The following BAZ1A variants were observed in gnomAD, a reference collection of about 807,000 sequenced individuals.
BAZ1A encodes bromodomain adjacent to zinc finger domain protein 1A.
BAZ1A carries 50 observed loss-of-function variants against 185.2 expected under a neutral mutation model. That is an observed-to-expected ratio of 0.27 (90% CI 0.22 to 0.34). The LOEUF is 0.34. Among genes scored for constraint, BAZ1A ranks in the 10% least tolerant of loss-of-function variants. BAZ1A has a pLI of 1.00. For synonymous variants in BAZ1A, 571 were observed against 615.6 expected (o/e 0.93, Z 1.07); for missense variants, 1,356 against 1,839.9 (o/e 0.74, Z 4.81).
intron 9 of BAZ1A, among the ~76,000 whole-genome samples, chr14:34,796,807 GAACTTGCTGT>G (rs1284228220): frequency 1.3e-5 from 2 of 152,168 alleles, no homozygotes; most frequent in African/African-American, 4.8e-5. Context: ...GATAGTTACG[GAACTTGCTGT>G]AACTTGAATA....
intron 2 of BAZ1A, among the ~76,000 whole-genome samples, chr14:34,866,502 A>AAAGAAAAAGAAAG: frequency 1.3e-5 from 1 of 79,538 alleles, no homozygotes; most frequent in Admixed American, 1.5e-4. Flanking sequence ...AAAAAAAAAA[A>AAAGAAAAAGAAAG]GAAAAAAGTT....
At position 34,875,119 on chromosome 14, in the gene BAZ1A, GCTCC is replaced by G. The variant is rs1254435619; in HGVS notation, c.-59+15_-59+18del. On this transcript the variant is annotated intron_variant, in intron 1 of 26. Coordinates refer to ENST00000360310, the MANE Select transcript of BAZ1A (RefSeq NM_013448.3). The stretch of plus-strand genomic sequence containing the variant: ...TCCACTTCCCCGCCGGCGCCGGCCG[GCTCC>G]CGAGCGACCCTCACCTGCGATCACG... The G allele has an allele frequency of 5.4e-6, 2 of 367,092 alleles. No homozygotes were observed. Among genetic ancestry groups the G allele is most frequent in the African/African-American group, 4.3e-5 (2 of 46,892 alleles). 22.7% of individuals were successfully genotyped at this position (367,092 alleles called of 1,614,324 possible).
At chr14:34,857,381 GCTCACTTGCAT>G (rs1197588229) in intron 3 of BAZ1A, among the ~76,000 whole-genome samples, 1 of 152,062 alleles carries the variant, frequency 6.6e-6, no homozygotes, top group African/African-American at 2.4e-5. Flanking sequence ...CATGTAGTCG[GCTCACTTGCAT>G]TCCTGGGCTC....
intron 3 of BAZ1A, chr14:34,845,351 T>C (rs909623895): frequency 3.3e-5 from 5 of 150,826 alleles, no homozygotes; most frequent in Admixed American, 6.6e-5. Context: ...CTAAAAGAGC[T>C]GTAACGCTTC....
Position 34,785,800 on chromosome 14 carries a change from G to A in BAZ1A, c.1808C>T (p.Thr603Ile), listed in dbSNP as rs373772811. Residue 603 changes from threonine (T) to isoleucine (I), a missense_variant, in exon 14 of 27, where the codon ACC becomes ATC. Coordinates refer to ENST00000360310, the MANE Select transcript of BAZ1A (RefSeq NM_013448.3). ...ACCTGGTGTCAAATCATACACTGAG[G>A]TGCTTGACAGTTTCTTCACTAGACT... The part of the protein sequence containing the change: ...NPSLVKKLSS[T>I]SVYDLTPGEK... 113 of 1,613,780 alleles carry A rather than the reference G, an allele frequency of 7.0e-5. 1 individual carries two copies. In the Middle Eastern group the frequency reaches 1.2e-3, roughly 16 times the overall value.
chr14:34,824,870 T>C (rs1207050921), intron 4 of BAZ1A, among the ~76,000 whole-genome samples: 2 of 152,176 alleles, frequency 1.3e-5, no homozygotes, highest in African/African-American at 4.8e-5. Context: ...AGAAAGCATT[T>C]TGAAGTCTGA....
intron 6 of BAZ1A, among the ~76,000 whole-genome samples, chr14:34,806,008 A>AT (rs957849032): frequency 1.8e-4 from 26 of 147,662 alleles, no homozygotes; most frequent in African/African-American, 4.2e-4. Context: ...CATCCTTGGT[A>AT]TTTTTTTTTC....
Position 34,874,524 on chromosome 14 carries a change from A to G in BAZ1A, c.81T>C (p.Cys27=), listed in dbSNP as rs146823409. The change falls in exon 2 of 27, where the codon TGT becomes TGC. Residue 27 remains cysteine (C), a synonymous_variant. Coordinates refer to ENST00000360310, the MANE Select transcript of BAZ1A (RefSeq NM_013448.3). The surrounding 1 kb of genome is among the most constrained non-coding windows in gnomAD (Gnocchi z 4.7). ...GGCGGAAGATCTCGTTGGTGACTTT[A>G]CAGTAGAAAACTTCCTCGTCGGGCC... ...DLRPDEEVFY[C]KVTNEIFRHY... 212 of 1,611,826 alleles carry G rather than the reference A, an allele frequency of 1.3e-4. 1 individual carries two copies. Among genetic ancestry groups the G allele is most frequent in the Non-Finnish European group, 1.7e-4 (203 of 1,179,108 alleles).
intron 3 of BAZ1A, among the ~76,000 whole-genome samples, chr14:34,849,038 C>G (rs890380717): frequency 6.6e-6 from 1 of 152,150 alleles, no homozygotes; most frequent in East Asian, 1.9e-4. Context: ...GTGGCTCACA[C>G]TTATAATCCC....
intron 3 of BAZ1A, among the ~76,000 whole-genome samples, chr14:34,833,500 C>T (rs2042283343): frequency 6.6e-6 from 1 of 152,240 alleles, no homozygotes; most frequent in South Asian, 2.1e-4. Flanking sequence ...TGCACTCCAG[C>T]TTGTGCGACA....
chr14:34,811,621 T>C (rs1009555704), intron 4 of BAZ1A, among the ~76,000 whole-genome samples: 5 of 152,126 alleles, frequency 3.3e-5, no homozygotes, highest in Non-Finnish European at 5.9e-5. Flanking sequence ...CCACTGTACA[T>C]GGCCATGCAT....
chr14:34,801,140 A>C lies in BAZ1A; in HGVS notation c.915T>G (p.Thr305=). ...QTLASYRSKA[T]KERDKLLKQE... is the part of the protein sequence containing the mutation. ...GTTTCAAAAGTTTATCTCTTTCTTT[A>C]GTAGCTTTGCTCCTATAACTTGCAA... Residue 305 remains threonine, a synonymous_variant, in exon 8 of 27, where the codon ACT becomes ACG. Coordinates refer to ENST00000360310, the MANE Select transcript of BAZ1A (RefSeq NM_013448.3). 1 of 1,605,180 alleles carries C rather than the reference A, an allele frequency of 6.2e-7. No individual in the cohort carries two copies. Among genetic ancestry groups the C allele is most frequent in the Non-Finnish European group, 8.5e-7 (1 of 1,177,620 alleles).
chr14:34,874,524 A>C lies in BAZ1A; in HGVS notation c.81T>G (p.Cys27Trp). ...GGCGGAAGATCTCGTTGGTGACTTTACAGTAGAAAACTTCCTCGTCGGGCC... is the reference window on the plus strand; with the variant it reads ...GGCGGAAGATCTCGTTGGTGACTTTCCAGTAGAAAACTTCCTCGTCGGGCC... ...DLRPDEEVFY[C>W]KVTNEIFRHY... Residue 27 changes from cysteine (C) to tryptophan (W), a missense_variant, in exon 2 of 27, where the codon TGT becomes TGG. Physicochemically the swap from Cys to Trp is radical, Grantham distance 215. Coordinates refer to ENST00000360310, the MANE Select transcript of BAZ1A (RefSeq NM_013448.3). This position sits in a 1 kb window ranked among gnomAD's most constrained non-coding sequence, Gnocchi z 4.7. 1 of 1,611,944 alleles carries C rather than the reference A, an allele frequency of 6.2e-7. No homozygotes were observed. Among genetic ancestry groups the C allele is most frequent in the Non-Finnish European group, 8.5e-7 (1 of 1,179,100 alleles).
At chr14:34,820,983 G>C (rs1261123754) in intron 4 of BAZ1A, among the ~76,000 whole-genome samples, 1 of 152,122 alleles carries the variant, frequency 6.6e-6, no homozygotes, top group Admixed American at 6.6e-5. Flanking sequence ...AAGTCTTGAA[G>C]CTGGGTAGTG....
chr14:34,827,514 T>A (rs1000645586), intron 3 of BAZ1A, among the ~76,000 whole-genome samples: 1 of 152,048 alleles, frequency 6.6e-6, no homozygotes, highest in African/African-American at 2.4e-5. Context: ...GGCGGGTGGA[T>A]CACGAGGTCA....
In BAZ1A at chr14:34,789,335, A is replaced by G. The variant is rs536878748; in HGVS notation, c.1511-3114T>C. Among the ~76,000 whole-genome samples, 5 of 152,330 alleles carry G rather than the reference A, an allele frequency of 3.3e-5. No individual in the cohort carries two copies. The South Asian group carries it at 1.0e-3, about 32-fold the overall frequency. The stretch of plus-strand genomic sequence containing the variant: ...CTTTAGGAAATGAAAAACCAATGAA[A>G]TGTATTTTTAATTGTGTTAAATAAA... On this transcript the variant is annotated intron_variant, in intron 12 of 26. Coordinates refer to ENST00000360310, the MANE Select transcript of BAZ1A (RefSeq NM_013448.3).
intron 24 of BAZ1A, among the ~76,000 whole-genome samples, chr14:34,759,171 G>GTTTTGTTTTTTTT (rs1555336946): frequency 4.5e-5 from 3 of 66,478 alleles, no homozygotes; most frequent in African/African-American, 1.9e-4. Flanking sequence ...TACAGCTACA[G>GTTTTGTTTTTTTT]TTTTTTTTTT....
At chr14:34,763,888 C>T (rs992571122) in intron 23 of BAZ1A, among the ~76,000 whole-genome samples, 1 of 152,026 alleles carries the variant, frequency 6.6e-6, no homozygotes, top group African/African-American at 2.4e-5. Flanking sequence ...TGCTTTATTG[C>T]TGTGGTCTGG....
chr14:34,806,727 T>C (rs976191043), intron 6 of BAZ1A, among the ~76,000 whole-genome samples: 1 of 152,014 alleles, frequency 6.6e-6, no homozygotes, highest in Non-Finnish European at 1.5e-5. Flanking sequence ...ATTAGCATGA[T>C]ACTTTTTATT....
Sources: gnomAD v4.1 joint callset for allele counts (sites outside exome capture counted in the v4.1 genomes callset) on GRCh38, gnomAD v4.1.1 for gene constraint, Gnocchi (gnomAD v3.1) non-coding constraint, MANE v1.5 for transcripts, NCBI Gene and HGNC (gene_info 2026-07-23, HGNC 2026-07-21) for gene names.